Variants in RNF216 observed in about 807,000 individuals in gnomAD.
The protein encoded by RNF216 is E3 ubiquitin-protein ligase RNF216.
Under a neutral mutation model 110.8 loss-of-function variants are expected in RNF216, and 72 were observed. The observed-to-expected ratio is 0.65, with a 90% CI of 0.54 to 0.79. RNF216 has a LOEUF of 0.79. Among genes scored for constraint, RNF216 ranks in the 30% least tolerant of loss-of-function variants. The pLI is 0.00. For missense variants in RNF216, 1,342 were observed against 1,141.2 expected (o/e 1.18, Z -2.54); for synonymous variants, 495 against 407.5 (o/e 1.21, Z -2.59).
In RNF216 at chr7:5,712,810, C is replaced by T. The variant is rs1476444100; in HGVS notation, c.1887G>A (p.Glu629=). ...TGGTCTGGGGGAGCACCTTCTCCAG[C>T]TCACTGGTTGGGAACGAACACGTGC... is the stretch of plus-strand genomic sequence containing the variant. The part of the protein sequence containing the change: ...GSCTCSFPTS[E]LEKVLPQTIL... Residue 629 remains glutamate, a synonymous_variant, in exon 12 of 17, where the codon GAG becomes GAA. Transcript: ENST00000389902. 6.2e-6 allele frequency: 10 copies of T among 1,613,900 alleles called. No individual in the cohort carries two copies. The Admixed American group carries it at 1.7e-4, about 27-fold the overall frequency.
chr7:5,771,107 C>G (rs2128680164), intron 1 of RNF216, among the ~76,000 whole-genome samples: 1 of 152,158 alleles, frequency 6.6e-6, no homozygotes, highest in Non-Finnish European at 1.5e-5. Flanking sequence ...CACCTGGCCC[C>G]AGATTCAGTC....
intron 13 of RNF216, among the ~76,000 whole-genome samples, chr7:5,668,591 G>A (rs1789687499): frequency 6.6e-6 from 1 of 152,146 alleles, no homozygotes; most frequent in Non-Finnish European, 1.5e-5. Context: ...CTCTCATGGG[G>A]ACAGGAGATA....
rs377189667 is a variant in RNF216, at chr7:5,729,438, G to C, written c.1383C>G (p.Thr461=). 1.2e-6 allele frequency: 2 copies of C among 1,614,088 alleles called. No homozygotes were observed. The highest frequency in any genetic ancestry group is 1.7e-6 in the Non-Finnish European group (2 of 1,179,994). Residue 461 remains threonine, a synonymous_variant, in exon 7 of 17, where the codon ACC becomes ACG. Transcript: ENST00000389902. ...LHELKGHYAI[T]RKALSDAIKK... is the part of the protein sequence containing the mutation. ...GGAAGACCAAGTAGAGTACCTTTCGGGTGATTGCATAGTGTCCTTTGAGCT... is the reference window on the plus strand; with the variant it reads ...GGAAGACCAAGTAGAGTACCTTTCGCGTGATTGCATAGTGTCCTTTGAGCT...
At chr7:5,661,889 G>A (rs1007405808) in intron 13 of RNF216, among the ~76,000 whole-genome samples, 1 of 152,216 alleles carries the variant, frequency 6.6e-6, no homozygotes. Flanking sequence ...CTTTAGACAT[G>A]AGTCTGTCTG....
At chr7:5,769,730 AAAAAAAG>A (rs1562479210) in intron 1 of RNF216, among the ~76,000 whole-genome samples, 2 of 150,608 alleles carry the variant, frequency 1.3e-5, no homozygotes, top group Admixed American at 1.3e-4. Flanking sequence ...CAAAAAAAAG[AAAAAAAG>A]AAAAAAGACT....
chr7:5,759,048 A>G (rs542073393), intron 2 of RNF216, among the ~76,000 whole-genome samples: 1 of 152,134 alleles, frequency 6.6e-6, no homozygotes, highest in Non-Finnish European at 1.5e-5. Context: ...TAAATGATTT[A>G]GCACAATCCG....
intron 1 of RNF216, 70 bp from the exon 2 acceptor site, chr7:5,761,208 G>A (rs1795916465): frequency 1.8e-6 from 1 of 564,878 alleles, no homozygotes; most frequent in Non-Finnish European, 3.0e-6. Flanking sequence ...ATCTGGTCAG[G>A]GGAACATCTG....
intron 6 of RNF216, among the ~76,000 whole-genome samples, chr7:5,730,287 G>A (rs1794011858): frequency 6.6e-6 from 1 of 152,160 alleles, no homozygotes; most frequent in African/African-American, 2.4e-5. Context: ...TGATAAAGAG[G>A]ATACAGTAAA....
chr7:5,673,124 A>G (rs907573080), intron 13 of RNF216, among the ~76,000 whole-genome samples: 6 of 152,252 alleles, frequency 3.9e-5, no homozygotes, highest in Admixed American at 2.0e-4. Context: ...CCGGAGACCA[A>G]TGTGTCCTCT....
At chr7:5,669,878 C>T (rs771849685) in intron 13 of RNF216, among the ~76,000 whole-genome samples, 3 of 150,812 alleles carry the variant, frequency 2.0e-5, no homozygotes, top group East Asian at 1.9e-4. Flanking sequence ...GGCAAGACTC[C>T]ATCTCAAAAA....
rs368805744 is a variant in RNF216 at position 5,693,395 on chromosome 7, GT to G, written c.2061+18365del. ...CCTCAGTATGGATGCTGACCCCCCG[GT>G]ATGGACCTCCACTGTACTGAGGTAC... On this transcript the variant is annotated intron_variant, in intron 13 of 16. Coordinates refer to ENST00000389902, the MANE Select transcript of RNF216 (RefSeq NM_207111.4). Among the ~76,000 whole-genome samples, 56 of 152,290 alleles carry G rather than the reference GT, an allele frequency of 3.7e-4. 1 individual carries two copies. The South Asian group carries it at 0.011, about 30-fold the overall frequency.
chr7:5,778,117 T>C (rs978629883), intron 1 of RNF216, among the ~76,000 whole-genome samples: 4 of 152,236 alleles, frequency 2.6e-5, no homozygotes, highest in African/African-American at 7.2e-5. Flanking sequence ...AATCTCACCA[T>C]GGTGAAACCG....
At chr7:5,751,475 T>A (rs1342417012) in intron 3 of RNF216, among the ~76,000 whole-genome samples, 1 of 152,212 alleles carries the variant, frequency 6.6e-6, no homozygotes, top group African/African-American at 2.4e-5. Flanking sequence ...GAAGTTCATT[T>A]GATCTTCCTA....
At chr7:5,777,740 A>AAAT (rs1236761490) in intron 1 of RNF216, 1 of 152,222 alleles carries the variant, frequency 6.6e-6, no homozygotes, top group East Asian at 1.9e-4. Context: ...TTATGGATAT[A>AAAT]AATATGCAAA....
chr7:5,722,747 C>T (rs543270024), intron 8 of RNF216, among the ~76,000 whole-genome samples: 7 of 151,684 alleles, frequency 4.6e-5, no homozygotes, highest in Non-Finnish European at 7.4e-5. Context: ...TGGGGCCAGG[C>T]GCAGTGACTC....
chr7:5,707,400 A>C (rs1246123944), intron 13 of RNF216, among the ~76,000 whole-genome samples: 1 of 152,124 alleles, frequency 6.6e-6, no homozygotes, highest in East Asian at 1.9e-4. Context: ...ATGTATTATA[A>C]ATTAGATTTT....
chr7:5,741,611 C>T lies in RNF216; in HGVS notation c.406G>A (p.Asp136Asn). Reference protein sequence around the residue: ...DSEDDYGEFLDLGPPGISEFT... With the variant: ...DSEDDYGEFLNLGPPGISEFT... ...TCAGAGATTCCAGGAGGCCCAAGAT[C>T]CAGAAATTCACCGTAGTCATCCTCA... The change falls in exon 4 of 17, where the codon GAT (aspartate) becomes AAT (asparagine). Residue 136 changes from aspartate (D) to asparagine (N), a missense_variant. Asp to Asn is a conservative substitution (Grantham distance 23). Transcript: ENST00000389902. 6.2e-7 allele frequency: 1 copy of T among 1,614,140 alleles called. No homozygotes were observed.
At chr7:5,767,931 A>T (rs1488983979) in intron 1 of RNF216, among the ~76,000 whole-genome samples, 1 of 152,084 alleles carries the variant, frequency 6.6e-6, no homozygotes, top group Non-Finnish European at 1.5e-5. Context: ...AGCCCAACCA[A>T]AGTAGAGGAA....
intron 13 of RNF216, among the ~76,000 whole-genome samples, chr7:5,658,784 C>T (rs1462692517): frequency 6.6e-6 from 1 of 151,762 alleles, no homozygotes; most frequent in Non-Finnish European, 1.5e-5. Flanking sequence ...TATGTTACAA[C>T]AGTAGCACAC....
Sources: allele counts gnomAD v4.1 joint callset (sites outside exome capture counted in the v4.1 genomes callset), GRCh38; gene constraint gnomAD v4.1.1; transcripts MANE v1.5; gene names NCBI Gene and HGNC (gene_info 2026-07-23, HGNC 2026-07-21).